The following PEX7 variants were observed in gnomAD, a reference collection of about 807,000 sequenced individuals.
The protein encoded by PEX7 is peroxisomal biogenesis factor 7.
PEX7 carries 34 observed loss-of-function variants against 47.5 expected under a neutral mutation model. The observed-to-expected ratio is 0.72, with a 90% CI of 0.54 to 0.95. The LOEUF (loss-of-function observed/expected upper bound fraction) is 0.95. Among genes scored for constraint, PEX7 ranks in the 40% least tolerant of loss-of-function variants. The pLI is 0.00. For synonymous variants in PEX7, 141 were observed against 148.8 expected (o/e 0.95, Z 0.38); for missense variants, 394 against 400.3 (o/e 0.98, Z 0.13).
chr6:136,885,461 A>G (rs948969216), intron 8 of PEX7, among the ~76,000 whole-genome samples: 5 of 152,216 alleles, frequency 3.3e-5, no homozygotes, highest in Admixed American at 3.3e-4. Context: ...ATTCAGCCAC[A>G]GTTTGCGTGA....
At chr6:136,876,449 C>T (rs1339663947) in intron 8 of PEX7, among the ~76,000 whole-genome samples, 2 of 152,152 alleles carry the variant, frequency 1.3e-5, no homozygotes, top group Non-Finnish European at 2.9e-5. Context: ...ATCAGCCAGT[C>T]ATCTACATTA....
At chr6:136,837,819 C>T (rs1003453251) in intron 3 of PEX7, among the ~76,000 whole-genome samples, 169 of 146,690 alleles carry the variant, frequency 1.2e-3, no homozygotes, top group Non-Finnish European at 1.8e-3. Context: ...ACGCCACACA[C>T]ACACACACAC....
At position 136,913,920 on chromosome 6, in the gene PEX7, T is replaced by C; in HGVS notation, c.*394T>C. 1 of 193,600 alleles carries C rather than the reference T, an allele frequency of 5.2e-6. No homozygotes were observed. Among genetic ancestry groups the C allele is most frequent in the East Asian group, 1.4e-4 (1 of 7,002 alleles). The allele number at this position is 193,600 out of a possible 1,614,324, so 12.0% of individuals were successfully genotyped here. A position where few individuals can be genotyped will look rare whatever the true frequency, so the allele number is the denominator to read the frequency against. ...CTGTGATAAATAAACTATCTATTGA[T>C]CATTTATCATTTTATAACTTCCCCC... On this transcript the variant is annotated 3_prime_UTR_variant, in exon 10 of 10. Transcript: ENST00000318471.
At chr6:136,872,116 G>A in intron 7 of PEX7, 82 bp from the exon 8 acceptor site, 1 of 1,185,692 alleles carries the variant, frequency 8.4e-7, no homozygotes, top group Non-Finnish European at 1.2e-6. Context: ...TTATTATAAT[G>A]TTTATGGAAT....
At chr6:136,823,050 T>C in intron 1 of PEX7, 1 of 985,404 alleles carries the variant, frequency 1.0e-6, no homozygotes, top group South Asian at 4.7e-5. Context: ...CGTGTCCTTG[T>C]TCCTTGAGAC....
chr6:136,825,153 T>C lies in PEX7; in HGVS notation c.131-61T>C, dbSNP rs1582731935. 21 of 1,393,950 alleles carry C rather than the reference T, an allele frequency of 1.5e-5. No individual in the cohort carries two copies. In the East Asian group the frequency reaches 4.8e-4, roughly 32 times the overall value. The allele number at this position is 1,393,950 out of a possible 1,614,324, so 86.3% of individuals were successfully genotyped here. On this transcript the variant is annotated intron_variant, in intron 1 of 9. Coordinates refer to ENST00000318471, the MANE Select transcript of PEX7 (RefSeq NM_000288.4). ...CAGGTATCAATTACTTGATAACTCC[T>C]TGACTTTCGATGTTACCCTGGCAGG... is the stretch of plus-strand genomic sequence containing the variant.
At chr6:136,884,652 A>G (rs1375539524) in intron 8 of PEX7, among the ~76,000 whole-genome samples, 1 of 152,194 alleles carries the variant, frequency 6.6e-6, no homozygotes, top group Non-Finnish European at 1.5e-5. Context: ...CTATTTACCA[A>G]ATATAATAGA....
At position 136,853,416 on chromosome 6, in the gene PEX7, C is replaced by G. The variant is rs145770034; in HGVS notation, c.526+7235C>G. 3.3e-4 allele frequency among the ~76,000 whole-genome samples: 50 copies of G among 152,288 alleles called. No homozygotes were observed. In the East Asian group the frequency reaches 7.1e-3, roughly 22 times the overall value. ...GGTGGTGCTCCTAATAGTGTCTCCT[C>G]TTTCAGTTATGCAGCATCCAAAGAT... is the stretch of plus-strand genomic sequence containing the variant. On this transcript the variant is annotated intron_variant, in intron 5 of 9. Coordinates refer to ENST00000318471, the MANE Select transcript of PEX7 (RefSeq NM_000288.4).
At chr6:136,898,385 G>A in intron 9 of PEX7, 144 bp downstream of exon 9, 1 of 676,124 alleles carries the variant, frequency 1.5e-6, no homozygotes, top group South Asian at 1.6e-5. Flanking sequence ...TAGGGAATAA[G>A]AGGTATCAAG....
intron 6 of PEX7, among the ~76,000 whole-genome samples, chr6:136,868,477 A>G (rs769736699): frequency 9.9e-5 from 15 of 152,130 alleles, no homozygotes; most frequent in Non-Finnish European, 2.1e-4. Flanking sequence ...AAACATTTCA[A>G]TGCTGATGAC....
chr6:136,901,124 G>C (rs1018827740), intron 9 of PEX7: 1 of 156,914 alleles, frequency 6.4e-6, no homozygotes, highest in African/African-American at 2.4e-5. Context: ...GCAGGGGCTG[G>C]GGCCCCGTCT....
intron 3 of PEX7, among the ~76,000 whole-genome samples, chr6:136,832,182 G>A (rs543087955): frequency 1.4e-3 from 216 of 152,336 alleles, no homozygotes; most frequent in Middle Eastern, 0.014. Flanking sequence ...AACTCTTCTT[G>A]TCTTCTGTGT....
intron 8 of PEX7, among the ~76,000 whole-genome samples, chr6:136,877,297 G>C (rs760860137): frequency 6.6e-6 from 1 of 152,000 alleles, no homozygotes; most frequent in African/African-American, 2.4e-5. Flanking sequence ...TTGTTTTGCT[G>C]TACAGAAGCT....
At chr6:136,894,649 T>C (rs1204864827) in intron 8 of PEX7, among the ~76,000 whole-genome samples, 4 of 152,186 alleles carry the variant, frequency 2.6e-5, no homozygotes, top group Non-Finnish European at 5.9e-5. Context: ...CAGTGCTGTA[T>C]ACTTGCATTG....
At chr6:136,908,006 G>A (rs554902464) in intron 9 of PEX7, among the ~76,000 whole-genome samples, 32 of 152,196 alleles carry the variant, frequency 2.1e-4, no homozygotes, top group Admixed American at 2.0e-4. Context: ...TTGGATTTAT[G>A]TAGCATTTAG....
intron 5 of PEX7, among the ~76,000 whole-genome samples, chr6:136,860,085 G>T (rs560799864): frequency 1.1e-4 from 17 of 152,180 alleles, no homozygotes; most frequent in African/African-American, 4.1e-4. Context: ...AGAGAAGCTG[G>T]CAATTCAGGT....
intron 9 of PEX7, among the ~76,000 whole-genome samples, chr6:136,902,276 C>G (rs1464246601): frequency 6.6e-6 from 1 of 152,120 alleles, no homozygotes; most frequent in Non-Finnish European, 1.5e-5. Flanking sequence ...GCTGTAGGAC[C>G]TTGCTGATGT....
intron 5 of PEX7, among the ~76,000 whole-genome samples, chr6:136,852,920 G>T (rs1436480194): frequency 8.4e-6 from 1 of 119,182 alleles, no homozygotes; most frequent in Non-Finnish European, 1.7e-5. Flanking sequence ...ATACTACAAG[G>T]CTACAGTAAC....
intron 5 of PEX7, among the ~76,000 whole-genome samples, chr6:136,860,473 C>T (rs1582753667): frequency 7.9e-6 from 1 of 126,970 alleles, no homozygotes; most frequent in Admixed American, 9.3e-5. Flanking sequence ...ACAATGAGAA[C>T]ACATGGACAC....
Sources: allele counts gnomAD v4.1 joint callset (sites outside exome capture counted in the v4.1 genomes callset), GRCh38; gene constraint gnomAD v4.1.1; transcripts MANE v1.5; gene names NCBI Gene and HGNC (gene_info 2026-07-23, HGNC 2026-07-21).